TSHZ2: variants seen among roughly 807,000 people sequenced by gnomAD.
The protein encoded by TSHZ2 is teashirt zinc finger homeobox 2, also known as teashirt homolog 2.
Under a neutral mutation model 74.4 loss-of-function variants are expected in TSHZ2, and 21 were observed. That is an observed-to-expected ratio of 0.28 (90% CI 0.20 to 0.41). TSHZ2 has a LOEUF of 0.41. TSHZ2 is among the 10% of genes least tolerant of loss of function. The pLI is 1.00. For missense variants in TSHZ2, 1,244 were observed against 1,293.5 expected (o/e 0.96, Z 0.59); for synonymous variants, 540 against 515.3 (o/e 1.05, Z -0.65).
chr20:53,150,057 C>T (rs575118208), intron 1 of TSHZ2, among the ~76,000 whole-genome samples: 5 of 152,188 alleles, frequency 3.3e-5, no homozygotes, highest in Non-Finnish European at 7.3e-5. Context: ...CCGGACACTG[C>T]GGTAAATGTT....
intron 1 of TSHZ2, among the ~76,000 whole-genome samples, chr20:53,019,445 T>G (rs879650146): frequency 6.6e-5 from 10 of 152,090 alleles, no homozygotes; most frequent in Non-Finnish European, 1.3e-4. Context: ...CTCAAACTTC[T>G]GAAACTCTGT....
intron 2 of TSHZ2, among the ~76,000 whole-genome samples, chr20:53,443,921 A>C (rs901523206): frequency 6.6e-6 from 1 of 152,160 alleles, no homozygotes; most frequent in African/African-American, 2.4e-5. Flanking sequence ...GGTGTGTTCC[A>C]AGGGCATTCG....
At chr20:53,159,559 C>A (rs1287265499) in intron 1 of TSHZ2, among the ~76,000 whole-genome samples, 1 of 151,734 alleles carries the variant, frequency 6.6e-6, no homozygotes, top group Non-Finnish European at 1.5e-5. Context: ...GTTCATGGAA[C>A]ACACATAATG....
At chr20:53,269,987 C>A (rs748198326) in intron 2 of TSHZ2, among the ~76,000 whole-genome samples, 11 of 152,008 alleles carry the variant, frequency 7.2e-5, no homozygotes, top group African/African-American at 2.7e-4. Flanking sequence ...TAGATGGAGA[C>A]CCTACCTTCA....
At chr20:53,037,219 G>A (rs1383711631) in intron 1 of TSHZ2, among the ~76,000 whole-genome samples, 1 of 152,198 alleles carries the variant, frequency 6.6e-6, no homozygotes. Context: ...GCACGGGTCA[G>A]TGAGCGCTCA....
Position 53,204,348 on chromosome 20 carries a change from G to GATATACTATATCATCATATAACATT in TSHZ2, c.41-49149_41-49148insATACTATATCATCATATAACATTAT, listed in dbSNP as rs1568811182. Among the ~76,000 whole-genome samples, 212 of 126,654 alleles carry GATATACTATATCATCATATAACATT rather than the reference G, an allele frequency of 1.7e-3. 22 individuals carry two copies. The highest frequency in any genetic ancestry group is 6.3e-3 in the African/African-American group (194 of 30,718). The allele number at this position is 126,654 out of a possible 152,430, so 83.1% of individuals were successfully genotyped here. ...ATGATACTATATCATCATATAACAT[G>GATATACTATATCATCATATAACATT]ATGATATGATACTATATCATCATAT... On this transcript the variant is annotated intron_variant, in intron 1 of 2. Transcript: ENST00000371497.
chr20:52,992,780 G>T (rs1449041492), intron 1 of TSHZ2, among the ~76,000 whole-genome samples: 2 of 152,138 alleles, frequency 1.3e-5, no homozygotes, highest in Non-Finnish European at 2.9e-5. Flanking sequence ...TTATCATCTT[G>T]TGACTAAGGT....
chr20:53,464,507 G>A (rs1186111942), intron 2 of TSHZ2, among the ~76,000 whole-genome samples: 2 of 152,268 alleles, frequency 1.3e-5, no homozygotes, highest in Non-Finnish European at 2.9e-5. Flanking sequence ...TCATTGCGCA[G>A]GCTAGAGTGC....
At chr20:53,199,476 A>G (rs1258435458) in intron 1 of TSHZ2, among the ~76,000 whole-genome samples, 1 of 152,218 alleles carries the variant, frequency 6.6e-6, no homozygotes, top group East Asian at 1.9e-4. Context: ...CCCATCTCAA[A>G]AAAAGTAAAA....
chr20:53,459,008 G>A (rs1374074936), intron 2 of TSHZ2, among the ~76,000 whole-genome samples: 2 of 152,178 alleles, frequency 1.3e-5, no homozygotes, highest in African/African-American at 4.8e-5. Flanking sequence ...TGGAATAGGT[G>A]TGGTGCGGTG....
At chr20:53,232,421 T>C (rs897942452) in intron 1 of TSHZ2, among the ~76,000 whole-genome samples, 48 of 152,200 alleles carry the variant, frequency 3.2e-4, no homozygotes, top group African/African-American at 1.1e-3. Flanking sequence ...GAGTTTACCA[T>C]TGGGAGGGAG....
chr20:53,064,720 C>T (rs1317919304), intron 1 of TSHZ2, among the ~76,000 whole-genome samples: 1 of 146,134 alleles, frequency 6.8e-6, no homozygotes, highest in Non-Finnish European at 1.5e-5. Flanking sequence ...TTGTGTGAAG[C>T]CTTTTCTCGT....
At chr20:53,230,629 A>C (rs757788045) in intron 1 of TSHZ2, among the ~76,000 whole-genome samples, 17 of 152,238 alleles carry the variant, frequency 1.1e-4, no homozygotes, top group Non-Finnish European at 2.5e-4. Context: ...ATGGTGGCTC[A>C]CGCCTGTAAT....
chr20:53,162,325 C>T (rs997488347), intron 1 of TSHZ2, among the ~76,000 whole-genome samples: 2 of 152,160 alleles, frequency 1.3e-5, no homozygotes, highest in Non-Finnish European at 2.9e-5. Context: ...GACTGGCTGC[C>T]GCAATGTTTT....
chr20:53,125,585 G>A (rs973283990), intron 1 of TSHZ2, among the ~76,000 whole-genome samples: 1 of 152,120 alleles, frequency 6.6e-6, no homozygotes, highest in Non-Finnish European at 1.5e-5. Flanking sequence ...CTACGTTCCT[G>A]CAGGGGTTCT....
chr20:53,130,347 G>T (rs1443802186), intron 1 of TSHZ2, among the ~76,000 whole-genome samples: 1 of 152,196 alleles, frequency 6.6e-6, no homozygotes, highest in African/African-American at 2.4e-5. Flanking sequence ...GGGTCAGCCA[G>T]GTACAGTGGC....
Position 53,439,057 on chromosome 20 carries a change from A to C in TSHZ2, c.*9-48087A>C, listed in dbSNP as rs542582888. On this transcript the variant is annotated intron_variant, in intron 2 of 2. Transcript: ENST00000371497. Reference sequence around the variant, plus strand: ...GCCTGTTCATTTCTTGGTAATTCATAGTGCCTAGCATTTTGTTCATCATAA... The same window carrying C: ...GCCTGTTCATTTCTTGGTAATTCATCGTGCCTAGCATTTTGTTCATCATAA... Among the ~76,000 whole-genome samples the C allele has an allele frequency of 9.2e-5, 14 of 152,374 alleles. No homozygotes were observed. The South Asian group carries it at 2.7e-3, about 29-fold the overall frequency.
At chr20:53,421,952 A>G (rs1983490358) in intron 2 of TSHZ2, among the ~76,000 whole-genome samples, 1 of 152,006 alleles carries the variant, frequency 6.6e-6, no homozygotes, top group South Asian at 2.1e-4. Context: ...AAGTGCTGGG[A>G]TTACAGGCAT....
intron 2 of TSHZ2, among the ~76,000 whole-genome samples, chr20:53,426,103 C>T (rs188055065): frequency 5.9e-5 from 9 of 152,270 alleles, no homozygotes; most frequent in Admixed American, 2.6e-4. Context: ...GGACAAACTC[C>T]GAGTAACTGA....
Sources: allele counts gnomAD v4.1 joint callset (sites outside exome capture counted in the v4.1 genomes callset), GRCh38; gene constraint gnomAD v4.1.1; transcripts MANE v1.5; gene names NCBI Gene and HGNC (gene_info 2026-07-23, HGNC 2026-07-21).